Variants in CTBP2 observed in about 807,000 individuals in gnomAD.
CTBP2 encodes the protein C-terminal binding protein 2.
CTBP2 carries 30 observed loss-of-function variants against 80.3 expected under a neutral mutation model. The observed-to-expected ratio is 0.37, with a 90% CI of 0.28 to 0.51. The LOEUF (loss-of-function observed/expected upper bound fraction) is 0.51, where lower values mean the gene tolerates loss of function less well. Among genes scored for constraint, CTBP2 ranks in the 20% least tolerant of loss-of-function variants. The pLI, the probability that CTBP2 is intolerant of heterozygous loss-of-function variation, is 0.93. For synonymous variants in CTBP2, 594 were observed against 587.4 expected, an observed-to-expected ratio of 1.01 and a Z score of -0.16; for missense variants, 1,212 against 1,375.3, an observed-to-expected ratio of 0.88 and a Z score of 1.88.
At chr10:125,070,109 T>C (rs1845238393) in intron 2 of CTBP2, among the ~76,000 whole-genome samples, 1 of 151,662 alleles carries the variant, frequency 6.6e-6, no homozygotes, top group Admixed American at 6.6e-5. Context: ...CCCAGCACTT[T>C]GGGAGGCCGA....
intron 1 of CTBP2, among the ~76,000 whole-genome samples, chr10:125,120,877 C>T (rs577042965): frequency 6.6e-6 from 1 of 152,202 alleles, no homozygotes; most frequent in Non-Finnish European, 1.5e-5. Flanking sequence ...ACTACATGTG[C>T]AATACTGACT....
intron 1 of CTBP2, among the ~76,000 whole-genome samples, chr10:125,155,329 T>G (rs1257676516): frequency 1.3e-5 from 2 of 152,214 alleles, no homozygotes; most frequent in East Asian, 3.9e-4. Context: ...TTGGCTCCCA[T>G]GGTCAACATT....
intron 1 of CTBP2, among the ~76,000 whole-genome samples, chr10:125,158,948 G>A (rs967092616): frequency 6.6e-6 from 1 of 151,892 alleles, no homozygotes; most frequent in Non-Finnish European, 1.5e-5. Flanking sequence ...CGCGGTGACC[G>A]AGCTGAGCTC....
intron 1 of CTBP2, among the ~76,000 whole-genome samples, chr10:125,011,407 G>A (rs746590302): frequency 1.1e-4 from 16 of 152,228 alleles, no homozygotes; most frequent in Non-Finnish European, 2.2e-4. Context: ...GGCGAGGCAG[G>A]AGGCTCCAGG....
intron 4 of CTBP2, among the ~76,000 whole-genome samples, chr10:124,995,596 C>T (rs1439908442): frequency 6.6e-6 from 1 of 152,190 alleles, no homozygotes; most frequent in Non-Finnish European, 1.5e-5. Context: ...TGCTGGATGG[C>T]TCCTCCTGCA....
intron 2 of CTBP2, among the ~76,000 whole-genome samples, chr10:125,061,306 C>A (rs1167534970): frequency 6.6e-6 from 1 of 152,198 alleles, no homozygotes; most frequent in Non-Finnish European, 1.5e-5. Flanking sequence ...GCGCTGTTGG[C>A]ACCAGACACT....
In CTBP2 at chr10:125,076,447, TA is replaced by T. The variant is rs1395473274; in HGVS notation, c.-102+34542del. 3.9e-5 allele frequency among the ~76,000 whole-genome samples: 6 copies of T among 152,194 alleles called. No homozygotes were observed. The East Asian group carries it at 9.6e-4, about 24-fold the overall frequency. Reference sequence around the variant, plus strand: ...TCCTCTGGGTCCAGAAGATCTCCTCTAGGTTCAGTTCTGTCCAGGAACACTG... The same window carrying T: ...TCCTCTGGGTCCAGAAGATCTCCTCTGGTTCAGTTCTGTCCAGGAACACTG... On this transcript the variant is annotated intron_variant, in intron 2 of 10. Transcript: ENST00000337195.
intron 1 of CTBP2, among the ~76,000 whole-genome samples, chr10:125,152,752 G>C (rs1045340190): frequency 6.6e-6 from 1 of 152,150 alleles, no homozygotes; most frequent in Non-Finnish European, 1.5e-5. Flanking sequence ...AAAGGAATCA[G>C]GTCTGTCTCT....
At chr10:125,105,490 A>C (rs1277268486) in intron 2 of CTBP2, among the ~76,000 whole-genome samples, 1 of 152,092 alleles carries the variant, frequency 6.6e-6, no homozygotes, top group East Asian at 1.9e-4. Flanking sequence ...TAAATCCTAA[A>C]ATTACTGAAA....
At position 125,073,806 on chromosome 10, in the gene CTBP2, C is replaced by T. The variant is rs147098428; in HGVS notation, c.-101-34651G>A. On this transcript the variant is annotated intron_variant, in intron 2 of 10. Transcript: ENST00000337195. The stretch of plus-strand genomic sequence containing the variant: ...GCCAGCATCTCTGCGTGCTGCCCCC[C>T]GGAAAGGGTCCGGACATGGCGACAT... 6.9e-3 allele frequency among the ~76,000 whole-genome samples: 1,054 copies of T among 152,302 alleles called. 13 individuals are homozygous for T. Among genetic ancestry groups the T allele is most frequent in the African/African-American group, 0.023 (967 of 41,560 alleles).
intron 1 of CTBP2, among the ~76,000 whole-genome samples, chr10:125,004,315 C>G: frequency 6.6e-6 from 1 of 152,210 alleles, no homozygotes; most frequent in East Asian, 1.9e-4. Flanking sequence ...GCGCCCCGTG[C>G]ACATACAGGG....
rs1242097142 is a variant in CTBP2 at position 125,150,590 on chromosome 10, T to TAG, written c.-206+9728_-206+9729insCT. On this transcript the variant is annotated intron_variant, in intron 1 of 10. Transcript: ENST00000337195. ...GTTGGTAGTAACTAGCCAGACTTAA[T>TAG]TACCTAAGCTCCCTGGCCCTGACTC... is the stretch of plus-strand genomic sequence containing the variant. Among the ~76,000 whole-genome samples the TAG allele has an allele frequency of 2.0e-5, 3 of 152,012 alleles. No homozygotes were observed. In the East Asian group the frequency reaches 5.9e-4, roughly 30 times the overall value.
intron 2 of CTBP2, among the ~76,000 whole-genome samples, chr10:125,085,051 G>C (rs374032461): frequency 6.6e-6 from 1 of 152,166 alleles, no homozygotes; most frequent in African/African-American, 2.4e-5. Context: ...CGCACCTCCA[G>C]CACTCCAGGT....
intron 2 of CTBP2, among the ~76,000 whole-genome samples, chr10:125,047,339 A>G (rs1240869754): frequency 1.3e-5 from 2 of 152,146 alleles, no homozygotes; most frequent in African/African-American, 2.4e-5. Flanking sequence ...TTGAACAGAT[A>G]AAAAAAATTA....
At chr10:125,069,460 A>C (rs1189306528) in intron 2 of CTBP2, among the ~76,000 whole-genome samples, 1 of 152,132 alleles carries the variant, frequency 6.6e-6, no homozygotes, top group Non-Finnish European at 1.5e-5. Context: ...TCTACTGAAA[A>C]TACAAAAATT....
In CTBP2 at chr10:124,991,893, T is replaced by TGG. The variant is rs11459870; in HGVS notation, c.2777+800_2777+801dup. Among the ~76,000 whole-genome samples the TGG allele has an allele frequency of 8.0e-3, 483 of 60,470 alleles. 10 individuals carry two copies. The highest frequency in any genetic ancestry group is 0.018 in the South Asian group (31 of 1,700). 39.7% of individuals were successfully genotyped at this position (60,470 alleles called of 152,430 possible). On this transcript the variant is annotated intron_variant, in intron 8 of 8. Transcript: ENST00000309035. ...GATTTTCCTGGGAAGCCAGCAATAATGGGGGGGGGGGTGTGGGAGAAAACC... is the reference window on the plus strand; with the variant it reads ...GATTTTCCTGGGAAGCCAGCAATAATGGGGGGGGGGGGGTGTGGGAGAAAACC...
rs547451690 is a variant in CTBP2, at chr10:124,986,312, C to A, written c.*3206G>T. 5.4e-5 allele frequency: 7 copies of A among 130,786 alleles called. No homozygotes were observed. The highest frequency in any genetic ancestry group is 3.8e-5 in the Non-Finnish European group (2 of 53,146). 8.1% of individuals were successfully genotyped at this position (130,786 alleles called of 1,614,324 possible). ...GCGCGCACACACACACACACACACACACACACACACAGTTTTTTCCTTCCC... is the reference window on the plus strand; with the variant it reads ...GCGCGCACACACACACACACACACAAACACACACACAGTTTTTTCCTTCCC... On this transcript the variant is annotated 3_prime_UTR_variant, in exon 9 of 9. Coordinates refer to ENST00000309035, the MANE Select transcript of CTBP2 (RefSeq NM_022802.3).
At chr10:125,103,026 T>C (rs1397869981) in intron 2 of CTBP2, among the ~76,000 whole-genome samples, 1 of 152,202 alleles carries the variant, frequency 6.6e-6, no homozygotes. Context: ...CTCCCCGCCC[T>C]ACTTGCACAA....
intron 1 of CTBP2, among the ~76,000 whole-genome samples, chr10:125,129,115 T>C (rs1000622516): frequency 1.5e-4 from 23 of 152,210 alleles, no homozygotes; most frequent in Admixed American, 6.5e-5. Context: ...GTATATGCTG[T>C]GTATAATGTA....
Sources: gnomAD v4.1 joint callset for allele counts (sites outside exome capture counted in the v4.1 genomes callset) on GRCh38, gnomAD v4.1.1 for gene constraint, MANE v1.5 for transcripts, NCBI Gene and HGNC (gene_info 2026-07-23, HGNC 2026-07-21) for gene names.